FHIT: variants seen among roughly 807,000 people sequenced by gnomAD.
FHIT encodes bis(5'-adenosyl)-triphosphatase.
A neutral mutation model predicts 17.9 loss-of-function variants in FHIT; 19 were observed. The ratio of observed to expected loss-of-function variants is 1.06; its 90% CI spans 0.74 to 1.56. The LOEUF (loss-of-function observed/expected upper bound fraction) is 1.56, where lower values mean the gene tolerates loss of function less well. Among genes scored for constraint, FHIT ranks in the 40% most tolerant of loss-of-function variants. The probability of loss-of-function intolerance (pLI) is 0.00; values close to 1 mark genes in which losing one functional copy is unlikely to be tolerated. For synonymous variants in FHIT, 81 were observed against 69.7 expected, an observed-to-expected ratio of 1.16 and a Z score of -0.81; for missense variants, 248 against 189.2, an observed-to-expected ratio of 1.31 and a Z score of -1.82.
chr3:60,961,676 T>TA (rs2107498356), intron 3 of FHIT, among the ~76,000 whole-genome samples: 1 of 152,350 alleles, frequency 6.6e-6, no homozygotes, highest in East Asian at 1.9e-4. Flanking sequence ...CACCACTTAT[T>TA]AAATAGGAAA....
chr3:60,700,704 T>A (rs1350165961), intron 4 of FHIT, among the ~76,000 whole-genome samples: 5 of 152,210 alleles, frequency 3.3e-5, no homozygotes, highest in African/African-American at 1.2e-4. Flanking sequence ...CTCTTCCATT[T>A]CTAAGCACCT....
intron 2 of FHIT, among the ~76,000 whole-genome samples, chr3:61,082,547 C>G (rs1011466409): frequency 2.0e-5 from 3 of 152,166 alleles, no homozygotes; most frequent in African/African-American, 7.2e-5. Flanking sequence ...AACATTCTCA[C>G]ATTTTTAGCG....
At chr3:60,810,370 T>G (rs1701537482) in intron 4 of FHIT, among the ~76,000 whole-genome samples, 1 of 152,172 alleles carries the variant, frequency 6.6e-6, no homozygotes, top group Non-Finnish European at 1.5e-5. Flanking sequence ...GAGTAAGCTC[T>G]CCAGCCCTTT....
chr3:60,543,355 C>T (rs1366129416), intron 4 of FHIT, among the ~76,000 whole-genome samples: 2 of 152,124 alleles, frequency 1.3e-5, no homozygotes, highest in East Asian at 3.9e-4. Flanking sequence ...AAATTTTAGC[C>T]TCCACTCTGC....
chr3:60,782,237 G>GTA (rs11272366), intron 4 of FHIT, among the ~76,000 whole-genome samples: 3,183 of 95,552 alleles, frequency 0.033, 102 homozygotes, highest in African/African-American at 0.089. Flanking sequence ...GTGTGTGTGT[G>GTA]TATATATATA....
intron 5 of FHIT, among the ~76,000 whole-genome samples, chr3:60,229,033 C>A (rs559286252): frequency 2.6e-5 from 4 of 152,178 alleles, no homozygotes; most frequent in Non-Finnish European, 5.9e-5. Context: ...CCACTGCCTC[C>A]TGACCCACAT....
intron 2 of FHIT, among the ~76,000 whole-genome samples, chr3:61,125,454 A>G (rs2036579803): frequency 6.6e-6 from 1 of 152,190 alleles, no homozygotes; most frequent in Non-Finnish European, 1.5e-5. Flanking sequence ...TCTTATAAAT[A>G]CCTAATTGTT....
chr3:60,217,519 A>G (rs1051968963), intron 5 of FHIT, among the ~76,000 whole-genome samples: 1 of 152,190 alleles, frequency 6.6e-6, no homozygotes, highest in African/African-American at 2.4e-5. Flanking sequence ...ATTTTATTGA[A>G]GTGCAAATTG....
intron 5 of FHIT, among the ~76,000 whole-genome samples, chr3:60,432,138 G>A (rs1016996165): frequency 6.6e-6 from 1 of 151,984 alleles, no homozygotes; most frequent in Non-Finnish European, 1.5e-5. Flanking sequence ...ACCATGCCCA[G>A]CTAATTTTTG....
At chr3:60,518,005 A>C (rs1419231706) in intron 5 of FHIT, among the ~76,000 whole-genome samples, 2 of 152,230 alleles carry the variant, frequency 1.3e-5, no homozygotes, top group African/African-American at 2.4e-5. Flanking sequence ...AAGTTCCATG[A>C]ACTTGTTGGT....
At chr3:60,738,693 A>C (rs1264219284) in intron 4 of FHIT, among the ~76,000 whole-genome samples, 1 of 152,200 alleles carries the variant, frequency 6.6e-6, no homozygotes, top group African/African-American at 2.4e-5. Context: ...AAGTGGATGC[A>C]GATAATAAAC....
At chr3:60,389,424 C>G (rs1701139552) in intron 5 of FHIT, among the ~76,000 whole-genome samples, 1 of 152,210 alleles carries the variant, frequency 6.6e-6, no homozygotes, top group South Asian at 2.1e-4. Flanking sequence ...AGGGCACATT[C>G]TGTCTACAGT....
At chr3:60,682,261 A>G (rs1220113495) in intron 4 of FHIT, among the ~76,000 whole-genome samples, 2 of 152,140 alleles carry the variant, frequency 1.3e-5, no homozygotes, top group Non-Finnish European at 2.9e-5. Flanking sequence ...GTAAGCCACC[A>G]CACCCGGCCA....
chr3:60,616,424 C>G (rs782348931), intron 4 of FHIT, among the ~76,000 whole-genome samples: 2 of 152,026 alleles, frequency 1.3e-5, no homozygotes, highest in Non-Finnish European at 2.9e-5. Flanking sequence ...CTCTTTGATT[C>G]TTTTTTAAAA....
chr3:59,786,658 A>T (rs1699312632), intron 8 of FHIT, among the ~76,000 whole-genome samples: 1 of 152,242 alleles, frequency 6.6e-6, no homozygotes, highest in African/African-American at 2.4e-5. Context: ...TCAATGTAGG[A>T]AAGCGGAGAT....
At chr3:60,541,921 CTCT>C (rs1446174705) in intron 4 of FHIT, among the ~76,000 whole-genome samples, 2 of 152,164 alleles carry the variant, frequency 1.3e-5, no homozygotes, top group South Asian at 4.1e-4. Flanking sequence ...CCATGAAAGG[CTCT>C]TCTTTTTCTT....
intron 5 of FHIT, among the ~76,000 whole-genome samples, chr3:60,329,158 A>G (rs1404532046): frequency 1.3e-5 from 2 of 152,238 alleles, no homozygotes; most frequent in Admixed American, 6.5e-5. Context: ...AGACTGTTCA[A>G]TGAGCAATAT....
chr3:60,051,326 C>CCT (rs1553664922), intron 5 of FHIT, among the ~76,000 whole-genome samples: 1 of 131,904 alleles, frequency 7.6e-6, no homozygotes, highest in Non-Finnish European at 1.6e-5. Flanking sequence ...ATTTAGGATG[C>CCT]TTTTTTTTTT....
At chr3:60,953,680 C>A (rs553669966) in intron 3 of FHIT, among the ~76,000 whole-genome samples, 20 of 152,270 alleles carry the variant, frequency 1.3e-4, no homozygotes, top group Admixed American at 1.3e-3. Context: ...GCCAATGACT[C>A]TAGGGTCTCT....
Sources: allele counts gnomAD v4.1 joint callset (sites outside exome capture counted in the v4.1 genomes callset), GRCh38; gene constraint gnomAD v4.1.1; transcripts MANE v1.5; gene names NCBI Gene and HGNC (gene_info 2026-07-23, HGNC 2026-07-21).